Variants in ANKRD26 observed in about 807,000 individuals in gnomAD.
ANKRD26 encodes ankyrin repeat domain 26.
In ANKRD26, 141 loss-of-function variants were observed where a neutral mutation model predicts 208.7. The observed-to-expected ratio is 0.68, with a 90% CI of 0.59 to 0.78. ANKRD26 has a LOEUF of 0.78. Among genes scored for constraint, ANKRD26 ranks in the 30% least tolerant of loss-of-function variants. The probability of loss-of-function intolerance (pLI) is 0.00; values close to 1 mark genes in which losing one functional copy is unlikely to be tolerated. For missense variants in ANKRD26, 1,889 were observed against 1,938.7 expected (o/e 0.97, Z 0.48); for synonymous variants, 636 against 660.4 (o/e 0.96, Z 0.57).
At chr10:27,057,313 T>A (rs1458084656) in intron 15 of ANKRD26, among the ~76,000 whole-genome samples, 2 of 152,204 alleles carry the variant, frequency 1.3e-5, no homozygotes, top group South Asian at 4.1e-4. Flanking sequence ...TTTTTTCTGT[T>A]TTTATTTTTC....
downstream of ANKRD26, among the ~76,000 whole-genome samples, chr10:26,988,216 T>C (rs1394509867): frequency 6.6e-6 from 1 of 152,144 alleles, no homozygotes; most frequent in Non-Finnish European, 1.5e-5. Context: ...CCCTCTATGT[T>C]GTTTCTTAGT....
At chr10:27,037,125 A>C in intron 23 of ANKRD26, 61 bp downstream of exon 23, 1 of 1,548,292 alleles carries the variant, frequency 6.5e-7, no homozygotes, top group Non-Finnish European at 8.8e-7. Context: ...TTTTTAAAAT[A>C]TATACACATA....
chr10:27,046,383 C>G lies in ANKRD26; in HGVS notation c.1955G>C (p.Ser652Thr). The change falls in exon 18 of 34, where the codon AGT (serine) becomes ACT (threonine). Residue 652 changes from serine (S) to threonine (T), a missense_variant. By Grantham distance (58) the Ser-to-Thr change is moderately conservative (BLOSUM62 1). Coordinates refer to ENST00000376087, the MANE Select transcript of ANKRD26 (RefSeq NM_014915.3). ...TTCATCCTCATCTATTTCACTTAAA[C>G]TGCTGTCATCATCCACTTGTAGCAG... ...GGLLQVDDDS[S>T]LSEIDEDEGR... is the part of the protein sequence containing the mutation. 1 of 1,614,106 alleles carries G rather than the reference C, an allele frequency of 6.2e-7. No homozygotes were observed. The highest frequency in any genetic ancestry group is 1.6e-4 in the Middle Eastern group (1 of 6,062).
In ANKRD26 at chr10:27,066,483, G is replaced by A. The variant is rs374062716; in HGVS notation, c.1269+4C>T. 1 of 1,576,962 alleles carries A rather than the reference G, an allele frequency of 6.3e-7. No homozygotes were observed. Among genetic ancestry groups the A allele is most frequent in the African/African-American group, 1.3e-5 (1 of 74,102 alleles). ...AAAATAATAGTAACAACCATAGAAA[G>A]TACCTCAGAATCCCAAGGTGATTCT... On this transcript the variant is annotated splice_donor_region_variant and intron_variant, in intron 11 of 33. Coordinates refer to ENST00000376087, the MANE Select transcript of ANKRD26 (RefSeq NM_014915.3).
chr10:27,061,129 A>C lies in ANKRD26; in HGVS notation c.1462+15T>G, dbSNP rs1436603452. The C allele has an allele frequency of 1.9e-6, 3 of 1,551,550 alleles. No individual in the cohort carries two copies. The highest frequency in any genetic ancestry group is 1.4e-5 in the African/African-American group (1 of 73,390). On this transcript the variant is annotated intron_variant, in intron 13 of 33. Transcript: ENST00000376087. ...AGAATAACAGTTAACAAAAATACGC[A>C]TTTTTTTTCCATACCCATGTGGGCT...
At chr10:27,084,041 C>T (rs913553162) in intron 5 of ANKRD26, among the ~76,000 whole-genome samples, 1 of 151,808 alleles carries the variant, frequency 6.6e-6, no homozygotes, top group African/African-American at 2.4e-5. Flanking sequence ...GGAGAAACCC[C>T]GTCTCTACTA....
At chr10:27,044,274 A>G in intron 18 of ANKRD26, 84 bp from the exon 19 acceptor site, 1 of 1,192,232 alleles carries the variant, frequency 8.4e-7, no homozygotes. Flanking sequence ...TTTAAATAAA[A>G]GCTCTGCATT....
rs2052835154 is a variant in ANKRD26 at position 27,005,356 on chromosome 10, A to G, written c.*234T>C. The G allele has an allele frequency of 4.1e-6, 5 of 1,224,678 alleles. No homozygotes were observed. The highest frequency in any genetic ancestry group is 5.1e-6 in the Non-Finnish European group (5 of 976,946). 75.9% of individuals were successfully genotyped at this position (1,224,678 alleles called of 1,614,324 possible). ...ACAACTTAGTGGTTTGGCTGTTTAA[A>G]CAGCTCACATTTGGGCAGTTTGAGT... On this transcript the variant is annotated 3_prime_UTR_variant, in exon 34 of 34. Transcript: ENST00000376087.
intron 16 of ANKRD26, among the ~76,000 whole-genome samples, chr10:27,050,848 T>C (rs991377351): frequency 6.6e-6 from 1 of 152,216 alleles, no homozygotes; most frequent in Admixed American, 6.5e-5. Flanking sequence ...GGAAGACTGA[T>C]AGACTTCTTA....
At chr10:27,017,383 C>T in intron 30 of ANKRD26, 119 bp downstream of exon 30, 2 of 1,003,782 alleles carry the variant, frequency 2.0e-6, no homozygotes, top group African/African-American at 3.2e-5. Context: ...ATGCCATCAT[C>T]CTTCTAGAAA....
downstream of ANKRD26, among the ~76,000 whole-genome samples, chr10:26,988,975 G>A (rs891394357): frequency 2.0e-5 from 3 of 151,960 alleles, no homozygotes; most frequent in African/African-American, 7.2e-5. Context: ...GGGGAGTGTT[G>A]CAGGGGATGG....
downstream of ANKRD26, among the ~76,000 whole-genome samples, chr10:26,972,806 G>A (rs942359479): frequency 1.3e-5 from 2 of 152,006 alleles, no homozygotes; most frequent in African/African-American, 4.8e-5. Context: ...TAGCCAGGAT[G>A]GTCTCGATCG....
chr10:27,029,370 TA>T lies in ANKRD26; in HGVS notation c.3808-15del, dbSNP rs368301579. On this transcript the variant is annotated splice_polypyrimidine_tract_variant and intron_variant, in intron 25 of 33. Transcript: ENST00000376087. ...TGCTTCTTGCAACTAAAACAAAGAA[TA>T]AAAAAAACCCACTTTACTAATAATC... 26 of 1,607,014 alleles carry T rather than the reference TA, an allele frequency of 1.6e-5. No homozygotes were observed. The highest frequency in any genetic ancestry group is 4.5e-5 in the East Asian group (2 of 44,800).
At chr10:27,008,476 T>C (rs748328150) in intron 32 of ANKRD26, among the ~76,000 whole-genome samples, 21 of 152,188 alleles carry the variant, frequency 1.4e-4, no homozygotes, top group Admixed American at 2.6e-4. Context: ...ACGTAAAATA[T>C]ACATTTTTAC....
In ANKRD26 at chr10:27,035,570, T is replaced by G; in HGVS notation, c.2880A>C (p.Ile960=). The G allele has an allele frequency of 1.9e-6, 3 of 1,613,806 alleles. No homozygotes were observed. The highest frequency in any genetic ancestry group is 2.5e-6 in the Non-Finnish European group (3 of 1,179,848). ...GTGTTAATGTTTCCTCATTCTGTTT[T>G]ATAGTCTTCTGAAGGTCTTCATTCT... The part of the protein sequence containing the change: ...KEKNEDLQKT[I]KQNEETLTQT... Residue 960 remains isoleucine, a synonymous_variant, in exon 24 of 34, where the codon ATA becomes ATC. Transcript: ENST00000376087.
intron 20 of ANKRD26, 65 bp from the exon 21 acceptor site, chr10:27,040,243 A>G (rs2135247368): frequency 5.1e-6 from 6 of 1,171,920 alleles, no homozygotes; most frequent in Non-Finnish European, 7.5e-6. Flanking sequence ...ACTGTGCACT[A>G]TAACATTCAC....
At chr10:27,094,728 A>C (rs2056411086) in intron 1 of ANKRD26, among the ~76,000 whole-genome samples, 1 of 152,254 alleles carries the variant, frequency 6.6e-6, no homozygotes, top group Non-Finnish European at 1.5e-5. Flanking sequence ...AAGGCCAGGC[A>C]TGGCGGCTCA....
At chr10:27,087,612 T>C (rs558689403) in intron 4 of ANKRD26, among the ~76,000 whole-genome samples, 1 of 152,308 alleles carries the variant, frequency 6.6e-6, no homozygotes, top group Admixed American at 6.5e-5. Context: ...AACATAATTG[T>C]CCCTTATTAC....
chr10:27,082,804 T>G lies in ANKRD26; in HGVS notation c.739A>C (p.Arg247=), dbSNP rs765170468. 1.1e-5 allele frequency: 18 copies of G among 1,586,388 alleles called. No individual in the cohort carries two copies. The highest frequency in any genetic ancestry group is 1.4e-5 in the Non-Finnish European group (16 of 1,165,468). Residue 247 remains arginine (R), a splice_region_variant and synonymous_variant, in exon 6 of 34, where the codon AGG becomes CGG. Coordinates refer to ENST00000376087, the MANE Select transcript of ANKRD26 (RefSeq NM_014915.3). ...TTTTAAAAATCTGTAAAATACTACCTGCTTAAGGAGTCTTCAGAGCTTTCA... is the reference window on the plus strand; with the variant it reads ...TTTTAAAAATCTGTAAAATACTACCGGCTTAAGGAGTCTTCAGAGCTTTCA... ...VDESSEDSLS[R]LSGKPGVDDS...
Sources: gnomAD v4.1 joint callset for allele counts (sites outside exome capture counted in the v4.1 genomes callset) on GRCh38, gnomAD v4.1.1 for gene constraint, MANE v1.5 for transcripts, NCBI Gene and HGNC (gene_info 2026-07-23, HGNC 2026-07-21) for gene names.